Variants in EGFLAM observed in about 807,000 individuals in gnomAD.
EGFLAM encodes pikachurin.
Under a neutral mutation model 113.1 loss-of-function variants are expected in EGFLAM, and 79 were observed. That is an observed-to-expected ratio of 0.70 (90% CI 0.58 to 0.84). EGFLAM has a LOEUF of 0.84. Ranked by LOEUF, EGFLAM falls within the 40% of genes least tolerant of loss-of-function variation. EGFLAM has a pLI of 0.00. For missense variants in EGFLAM, 1,265 were observed against 1,291.6 expected (o/e 0.98, Z 0.32); for synonymous variants, 504 against 487.6 (o/e 1.03, Z -0.44).
intron 1 of EGFLAM, among the ~76,000 whole-genome samples, chr5:38,269,964 G>A (rs1202499419): frequency 1.3e-5 from 2 of 152,182 alleles, no homozygotes; most frequent in Non-Finnish European, 2.9e-5. Context: ...CGGTGTTTCT[G>A]CAGCTAATGG....
chr5:38,266,692 T>C (rs1292110802), intron 1 of EGFLAM, among the ~76,000 whole-genome samples: 2 of 152,184 alleles, frequency 1.3e-5, no homozygotes, highest in Admixed American at 1.3e-4. Context: ...CCACATGCCT[T>C]GATTTTTGGT....
intron 20 of EGFLAM, among the ~76,000 whole-genome samples, chr5:38,458,747 G>A (rs573046739): frequency 1.3e-5 from 2 of 152,276 alleles, no homozygotes; most frequent in South Asian, 2.1e-4. Flanking sequence ...TGGGGAGGCC[G>A]AGGTGGGTGG....
At chr5:38,309,063 A>T (rs1307522181) in intron 1 of EGFLAM, among the ~76,000 whole-genome samples, 1 of 152,240 alleles carries the variant, frequency 6.6e-6, no homozygotes, top group Admixed American at 6.5e-5. Flanking sequence ...AGCCATTATT[A>T]AAAATTAAAT....
chr5:38,346,876 T>C (rs1490566231), intron 3 of EGFLAM, among the ~76,000 whole-genome samples: 4 of 147,820 alleles, frequency 2.7e-5, no homozygotes, highest in African/African-American at 1.0e-4. Flanking sequence ...AGCACAGATG[T>C]GAGGAAGTAG....
At chr5:38,310,359 TCTGTGTA>T (rs1390353937) in intron 1 of EGFLAM, among the ~76,000 whole-genome samples, 2 of 152,160 alleles carry the variant, frequency 1.3e-5, no homozygotes, top group Non-Finnish European at 2.9e-5. Context: ...AGTTTCCTCA[TCTGTGTA>T]CTGGGAATAA....
intron 16 of EGFLAM, among the ~76,000 whole-genome samples, chr5:38,435,806 CTTTTTTTTTT>C (rs60461690): frequency 0.017 from 1,532 of 88,930 alleles, 28 homozygotes; most frequent in African/African-American, 0.07. Flanking sequence ...CCGGCTCTCT[CTTTTTTTTTT>C]TTTTTTTTTT....
chr5:38,300,520 C>A (rs770411425), intron 1 of EGFLAM, among the ~76,000 whole-genome samples: 6 of 152,150 alleles, frequency 3.9e-5, no homozygotes, highest in Non-Finnish European at 8.8e-5. Flanking sequence ...GGACTACAGG[C>A]ACATGCCACC....
intron 11 of EGFLAM, among the ~76,000 whole-genome samples, chr5:38,415,010 A>G (rs1008043184): frequency 6.6e-6 from 1 of 152,184 alleles, no homozygotes; most frequent in Non-Finnish European, 1.5e-5. Context: ...GAAAGCTTGA[A>G]TTATAAGAGT....
At position 38,323,013 on chromosome 5, in the gene EGFLAM, T is replaced by C. The variant is rs142732402; in HGVS notation, c.98-14507T>C. Among the ~76,000 whole-genome samples, 40 of 152,364 alleles carry C rather than the reference T, an allele frequency of 2.6e-4. No individual in the cohort carries two copies. In the East Asian group the frequency reaches 7.7e-3, roughly 29 times the overall value. On this transcript the variant is annotated intron_variant, in intron 1 of 21. Coordinates refer to ENST00000322350, the MANE Select transcript of EGFLAM (RefSeq NM_152403.4). ...TTACACATTCATAGTGCTGCTTTAA[T>C]AATAATAGTTGGAACAAGTTTCAAA...
At chr5:38,445,788 G>GGT in intron 17 of EGFLAM, 2 of 1,416,212 alleles carry the variant, frequency 1.4e-6, no homozygotes, top group South Asian at 2.3e-5. Context: ...CGGGGTGAGT[G>GGT]GTGTGGGAGC....
chr5:38,310,530 C>T (rs1738405552), intron 1 of EGFLAM, among the ~76,000 whole-genome samples: 1 of 152,074 alleles, frequency 6.6e-6, no homozygotes, highest in African/African-American at 2.4e-5. Context: ...GCCTTCTGTA[C>T]AATTTCCTTT....
At chr5:38,393,039 A>G (rs2112091385) in intron 6 of EGFLAM, among the ~76,000 whole-genome samples, 1 of 152,286 alleles carries the variant, frequency 6.6e-6, no homozygotes, top group African/African-American at 2.4e-5. Flanking sequence ...CACCTGGCCC[A>G]CAATGCCTTT....
intron 1 of EGFLAM, among the ~76,000 whole-genome samples, chr5:38,284,924 T>C (rs1758117346): frequency 6.6e-6 from 1 of 152,150 alleles, no homozygotes; most frequent in African/African-American, 2.4e-5. Context: ...ATAGACCTGA[T>C]CCATACCCCA....
chr5:38,339,420 A>G (rs186275931), intron 3 of EGFLAM, among the ~76,000 whole-genome samples: 67 of 152,312 alleles, frequency 4.4e-4, no homozygotes, highest in African/African-American at 1.5e-3. Flanking sequence ...GAATTGCTCT[A>G]CAAGGAGTTA....
intron 6 of EGFLAM, among the ~76,000 whole-genome samples, chr5:38,378,163 G>A (rs1740413137): frequency 6.6e-6 from 1 of 152,114 alleles, no homozygotes; most frequent in African/African-American, 2.4e-5. Flanking sequence ...CAATAAATCT[G>A]ATTCCATGCT....
At chr5:38,382,937 A>G (rs969226511) in intron 6 of EGFLAM, among the ~76,000 whole-genome samples, 3 of 152,178 alleles carry the variant, frequency 2.0e-5, no homozygotes, top group African/African-American at 7.2e-5. Context: ...ACTGATGTTG[A>G]TCACAGGATC....
At chr5:38,363,752 C>T (rs967275326) in intron 5 of EGFLAM, among the ~76,000 whole-genome samples, 4 of 152,144 alleles carry the variant, frequency 2.6e-5, no homozygotes, top group Non-Finnish European at 4.4e-5. Flanking sequence ...TCCGAGAAGG[C>T]GTTCATAGGC....
In EGFLAM at chr5:38,386,368, T is replaced by C. The variant is rs141761529; in HGVS notation, c.712+15906T>C. Among the ~76,000 whole-genome samples the C allele has an allele frequency of 4.5e-4, 69 of 152,196 alleles. 1 individual carries two copies. The East Asian group carries it at 0.013, about 29-fold the overall frequency. On this transcript the variant is annotated intron_variant, in intron 6 of 21. Coordinates refer to ENST00000322350, the MANE Select transcript of EGFLAM (RefSeq NM_152403.4). ...ACCACCACGCCTGGCTAATTTTGTA[T>C]TTTTAGTAGAAACAGAGTTTCACCA... is the stretch of plus-strand genomic sequence containing the variant.
At chr5:38,408,952 A>C (rs897471814) in intron 9 of EGFLAM, 52 bp from the exon 10 acceptor site, 3 of 1,448,060 alleles carry the variant, frequency 2.1e-6, no homozygotes, top group Non-Finnish European at 2.9e-6. Flanking sequence ...GTGGTGCCTT[A>C]AGGAAGGGGA....
Sources: gnomAD v4.1 joint callset for allele counts (sites outside exome capture counted in the v4.1 genomes callset) on GRCh38, gnomAD v4.1.1 for gene constraint, MANE v1.5 for transcripts, NCBI Gene and HGNC (gene_info 2026-07-23, HGNC 2026-07-21) for gene names.